MAPK8IP3: variants seen among roughly 807,000 people sequenced by gnomAD.
The protein encoded by MAPK8IP3 is mitogen-activated protein kinase 8 interacting protein 3.
Under a neutral mutation model 157.8 loss-of-function variants are expected in MAPK8IP3, and 49 were observed. The observed-to-expected ratio is 0.31, with a 90% confidence interval of 0.25 to 0.39. The LOEUF (loss-of-function observed/expected upper bound fraction) is 0.39, where lower values mean the gene tolerates loss of function less well. Among genes scored for constraint, MAPK8IP3 ranks in the 10% least tolerant of loss-of-function variants. MAPK8IP3 has a pLI of 1.00. For synonymous variants in MAPK8IP3, 897 were observed against 777.7 expected, an observed-to-expected ratio of 1.15 and a Z score of -2.55; for missense variants, 1,478 against 1,889.4, an observed-to-expected ratio of 0.78 and a Z score of 4.04.
intron 16 of MAPK8IP3, among the ~76,000 whole-genome samples, chr16:1,763,350 C>T (rs565278711): frequency 5.7e-4 from 87 of 152,376 alleles, no homozygotes; most frequent in Non-Finnish European, 1.0e-3. Context: ...TGTGCCCCGG[C>T]GGCACTCCAG....
In MAPK8IP3 at chr16:1,724,104, G is replaced by A. The variant is rs755379051; in HGVS notation, c.319-453G>A. Among the ~76,000 whole-genome samples, 19 of 152,228 alleles carry A rather than the reference G, an allele frequency of 1.2e-4. No homozygotes were observed. The highest frequency in any genetic ancestry group is 1.5e-4 in the Non-Finnish European group (10 of 68,038). ...GACTCCATTGCAAACAGGACTGGCT[G>A]TGTGCTCATGGATCCCAGTGTAAAA... On this transcript the variant is annotated intron_variant, in intron 1 of 31. Transcript: ENST00000610761. This position sits in a 1 kb window ranked among gnomAD's most constrained non-coding sequence, Gnocchi z 4.1.
At chr16:1,754,081 G>A (rs1399411414) in intron 8 of MAPK8IP3, among the ~76,000 whole-genome samples, 1 of 151,826 alleles carries the variant, frequency 6.6e-6, no homozygotes, top group Non-Finnish European at 1.5e-5. Context: ...ACTGAGGCAG[G>A]AGAATTGCTT....
chr16:1,744,277 C>T (rs1451451795), intron 5 of MAPK8IP3: 3 of 985,580 alleles, frequency 3.0e-6, no homozygotes, highest in Admixed American at 6.1e-5. Context: ...TCCACAGAGG[C>T]AGAGCCCTTG....
chr16:1,758,022 T>A (rs1212261322), intron 8 of MAPK8IP3, 126 bp from the exon 9 acceptor site: 8 of 967,538 alleles, frequency 8.3e-6, no homozygotes, highest in Non-Finnish European at 1.3e-5. Context: ...TCTCCTGCCC[T>A]GCAACATGGG....
rs1399267240 is a variant in MAPK8IP3 at position 1,760,227 on chromosome 16, T to G, written c.1305-153T>G. On this transcript the variant is annotated intron_variant, in intron 11 of 31. Coordinates refer to ENST00000610761, the MANE Select transcript of MAPK8IP3 (RefSeq NM_001318852.2). ...AGCCTCTAACAAGGGTGCTATAGGG[T>G]TTAGCTAAGATGGGGATGGGGTCTC... The G allele has an allele frequency of 2.8e-6, 3 of 1,067,946 alleles. No homozygotes were observed. In the Admixed American group the frequency reaches 7.1e-5, roughly 25 times the overall value. 66.2% of individuals were successfully genotyped at this position (1,067,946 alleles called of 1,614,324 possible).
At chr16:1,734,021 C>G (rs1249126247) in intron 4 of MAPK8IP3, among the ~76,000 whole-genome samples, 4 of 152,228 alleles carry the variant, frequency 2.6e-5, no homozygotes, top group Admixed American at 2.6e-4. Context: ...ATTTGTGAAA[C>G]AGGACCCCTG....
intron 8 of MAPK8IP3, among the ~76,000 whole-genome samples, chr16:1,753,867 G>A (rs116854433): frequency 0.022 from 3,283 of 151,936 alleles, 55 homozygotes; most frequent in Non-Finnish European, 0.031. Context: ...AAAAATGTAC[G>A]TCTTAGAATT....
rs550624545 is a variant in MAPK8IP3, at chr16:1,763,086, C to G, written c.1898+80C>G. ...TCCTGAGGCTCCTCCCCTCCAGGCC[C>G]TGAAGCGGGACTTTGAGGGCAGCCT... On this transcript the variant is annotated intron_variant, in intron 16 of 31. Coordinates refer to ENST00000610761, the MANE Select transcript of MAPK8IP3 (RefSeq NM_001318852.2). 54 of 1,569,802 alleles carry G rather than the reference C, an allele frequency of 3.4e-5. 1 individual carries two copies. In the South Asian group the frequency reaches 5.1e-4, roughly 15 times the overall value.
In MAPK8IP3 at chr16:1,732,146, G is replaced by C. The variant is rs146352274; in HGVS notation, c.602+2568G>C. Among the ~76,000 whole-genome samples the C allele has an allele frequency of 3.6e-3, 554 of 152,338 alleles. 4 individuals are homozygous for C. Among genetic ancestry groups the C allele is most frequent in the African/African-American group, 0.012 (503 of 41,566 alleles). Reference sequence around the variant, plus strand: ...GAGACCAGAGACGCGACCTGGGCTGGGGAGGTTGGCGCTCTCGTTCTGAGT... The same window carrying C: ...GAGACCAGAGACGCGACCTGGGCTGCGGAGGTTGGCGCTCTCGTTCTGAGT... On this transcript the variant is annotated intron_variant, in intron 4 of 31. Coordinates refer to ENST00000610761, the MANE Select transcript of MAPK8IP3 (RefSeq NM_001318852.2).
intron 20 of MAPK8IP3, 129 bp downstream of exon 20, chr16:1,765,307 G>A (rs942802523): frequency 3.1e-5 from 35 of 1,144,720 alleles, no homozygotes; most frequent in African/African-American, 7.8e-5. Flanking sequence ...GGCAGTGGAC[G>A]GTGGGAGGGG....
rs1346726389 is a variant in MAPK8IP3 at position 1,741,426 on chromosome 16, TGTGG to T, written c.603-1900_603-1897del. Among the ~76,000 whole-genome samples the T allele has an allele frequency of 6.6e-6, 1 of 152,002 alleles. No individual in the cohort carries two copies. The highest frequency in any genetic ancestry group is 1.5e-5 in the Non-Finnish European group (1 of 67,958). On this transcript the variant is annotated intron_variant, in intron 4 of 31. Coordinates refer to ENST00000610761, the MANE Select transcript of MAPK8IP3 (RefSeq NM_001318852.2). The surrounding 1 kb of genome is among the most constrained non-coding windows in gnomAD (Gnocchi z 6.9). The stretch of plus-strand genomic sequence containing the variant: ...TGAGCCGTGGCCCAGCATGGAGCTG[TGTGG>T]GTGGGAGAGCCGTACATGCATTCCC...
Position 1,739,129 on chromosome 16 carries a change from CGT to C in MAPK8IP3, c.603-4199_603-4198del, listed in dbSNP as rs1338765312. 1.8e-4 allele frequency among the ~76,000 whole-genome samples: 20 copies of C among 110,832 alleles called. 1 individual carries two copies. The highest frequency in any genetic ancestry group is 1.6e-3 in the South Asian group (4 of 2,530). 72.7% of individuals were successfully genotyped at this position (110,832 alleles called of 152,430 possible). On this transcript the variant is annotated intron_variant, in intron 4 of 31. Transcript: ENST00000610761. ...CCGTCTGTGTGAGCATCCGTGTGAGCGTGTGACCGTCCGTGTGTGTGACCATC... is the reference window on the plus strand; with the variant it reads ...CCGTCTGTGTGAGCATCCGTGTGAGCGTGACCGTCCGTGTGTGTGACCATC...
At chr16:1,763,110 C>G in intron 16 of MAPK8IP3, 104 bp downstream of exon 16, 1 of 1,452,542 alleles carries the variant, frequency 6.9e-7, no homozygotes, top group Non-Finnish European at 9.4e-7. Context: ...TGAGGGCAGC[C>G]TCCACCTTGC....
intron 4 of MAPK8IP3, among the ~76,000 whole-genome samples, chr16:1,736,503 C>CGTCT (rs2039849494): frequency 2.6e-5 from 1 of 37,760 alleles, no homozygotes; most frequent in Non-Finnish European, 4.2e-5. Flanking sequence ...TCCGTGTGAG[C>CGTCT]GTGTGACCGT....
rs548225747 is a variant in MAPK8IP3, at chr16:1,751,339, A to T, written c.1216+2619A>T. Among the ~76,000 whole-genome samples, 102 of 152,170 alleles carry T rather than the reference A, an allele frequency of 6.7e-4. 1 individual carries two copies. Among genetic ancestry groups the T allele is most frequent in the Middle Eastern group, 3.4e-3 (1 of 294 alleles). On this transcript the variant is annotated intron_variant, in intron 8 of 31. Coordinates refer to ENST00000610761, the MANE Select transcript of MAPK8IP3 (RefSeq NM_001318852.2). The surrounding 1 kb of genome is among the most constrained non-coding windows in gnomAD (Gnocchi z 5.0). ...CTGGGCCTGGTGGCGGGCACCTGTA[A>T]TCCCAGCTACTCGGGAGACTGAGGC...
intron 8 of MAPK8IP3, among the ~76,000 whole-genome samples, chr16:1,756,810 A>G (rs954753450): frequency 1.3e-5 from 2 of 152,122 alleles, no homozygotes; most frequent in African/African-American, 4.8e-5. Context: ...CAACAGAGTG[A>G]GACCCCGTCT....
In MAPK8IP3 at chr16:1,743,482, G is replaced by T. The variant is rs752705064; in HGVS notation, c.747+6G>T. 3 of 1,608,424 alleles carry T rather than the reference G, an allele frequency of 1.9e-6. No individual in the cohort carries two copies. Among genetic ancestry groups the T allele is most frequent in the Non-Finnish European group, 2.5e-6 (3 of 1,178,730 alleles). Reference sequence around the variant, plus strand: ...AGTCCAGCTCCAGCTACCAGGTTTTGTAGCCGTGCCGTGGAGTGAGAGGCT... The same window carrying T: ...AGTCCAGCTCCAGCTACCAGGTTTTTTAGCCGTGCCGTGGAGTGAGAGGCT... On this transcript the variant is annotated splice_donor_region_variant and intron_variant, in intron 5 of 31. Transcript: ENST00000610761. The surrounding 1 kb of genome is among the most constrained non-coding windows in gnomAD (Gnocchi z 5.6).
intron 9 of MAPK8IP3, 51 bp from the exon 10 acceptor site, chr16:1,758,927 C>T: frequency 6.2e-7 from 1 of 1,605,780 alleles, no homozygotes; most frequent in Non-Finnish European, 8.5e-7. Context: ...CTTTCTCCCT[C>T]TCCTCCCGCC....
intron 6 of MAPK8IP3, among the ~76,000 whole-genome samples, chr16:1,747,819 GCA>G (rs2041059539): frequency 6.6e-6 from 1 of 152,030 alleles, no homozygotes; most frequent in African/African-American, 2.4e-5. Flanking sequence ...TCGCCCCACG[GCA>G]CACAGTCCCA....
Sources: allele counts gnomAD v4.1 joint callset (sites outside exome capture counted in the v4.1 genomes callset), GRCh38; gene constraint gnomAD v4.1.1; non-coding constraint Gnocchi (gnomAD v3.1); transcripts MANE v1.5; gene names NCBI Gene and HGNC (gene_info 2026-07-23, HGNC 2026-07-21).